The following KLF12 variants were observed in gnomAD, a reference collection of about 807,000 sequenced individuals.
KLF12 encodes the protein KLF transcription factor 12, also known as Krueppel-like factor 12.
Under a neutral mutation model 37.8 loss-of-function variants are expected in KLF12, and 9 were observed. The ratio of observed to expected loss-of-function variants is 0.24; its 90% CI spans 0.14 to 0.42. KLF12 has a LOEUF of 0.42. Among genes scored for constraint, KLF12 ranks in the 10% least tolerant of loss-of-function variants. KLF12 has a pLI of 1.00. For missense variants in KLF12, 411 were observed against 516.0 expected (o/e 0.80, Z 1.97); for synonymous variants, 208 against 202.1 (o/e 1.03, Z -0.25).
chr13:74,304,746 T>A, the KLF12 span, among the ~76,000 whole-genome samples: 13 of 151,918 alleles, frequency 8.6e-5, no homozygotes, highest in East Asian at 2.1e-3. Flanking sequence ...GAAAGTGAAG[T>A]GTAATTGGTA....
the KLF12 span, among the ~76,000 whole-genome samples, chr13:74,241,815 CAT>C: frequency 3.9e-5 from 6 of 152,186 alleles, no homozygotes; most frequent in Non-Finnish European, 4.4e-5. Flanking sequence ...GCGCACGGTG[CAT>C]GCACCCACTG....
At chr13:73,833,294 A>G (rs1884262455) in intron 4 of KLF12, among the ~76,000 whole-genome samples, 1 of 152,198 alleles carries the variant, frequency 6.6e-6, no homozygotes, top group African/African-American at 2.4e-5. Context: ...TGGAAGCCCA[A>G]AGAATATTTC....
intron 3 of KLF12, among the ~76,000 whole-genome samples, chr13:73,871,472 T>C (rs923205590): frequency 2.0e-5 from 3 of 152,188 alleles, no homozygotes; most frequent in African/African-American, 7.2e-5. Flanking sequence ...GAAAAAGGAA[T>C]GTAAACTGAG....
At chr13:74,177,221 C>T in the KLF12 span, among the ~76,000 whole-genome samples, 34 of 152,158 alleles carry the variant, frequency 2.2e-4, no homozygotes, top group South Asian at 1.0e-3. Flanking sequence ...ACATAGAGCC[C>T]AGAGCATTGA....
the KLF12 span, among the ~76,000 whole-genome samples, chr13:74,235,919 TA>T: frequency 7.0e-6 from 1 of 142,900 alleles, no homozygotes; most frequent in East Asian, 2.3e-4. Flanking sequence ...TTAATTTTTT[TA>T]TTTTTTTAGT....
chr13:73,733,122 G>C (rs1182836412), intron 6 of KLF12, among the ~76,000 whole-genome samples: 1 of 152,000 alleles, frequency 6.6e-6, no homozygotes, highest in Non-Finnish European at 1.5e-5. Flanking sequence ...CTTCCCCCCA[G>C]TCTTTTATTT....
intron 4 of KLF12, among the ~76,000 whole-genome samples, chr13:73,823,106 T>C (rs1883623729): frequency 6.6e-6 from 1 of 152,218 alleles, no homozygotes; most frequent in South Asian, 2.1e-4. Flanking sequence ...GCCATTTTAT[T>C]CACTTTTCTT....
chr13:73,829,582 C>G (rs1884041920), intron 4 of KLF12, among the ~76,000 whole-genome samples: 1 of 152,286 alleles, frequency 6.6e-6, no homozygotes, highest in African/African-American at 2.4e-5. Flanking sequence ...TAAATAAGGT[C>G]TAGTACCAAG....
chr13:74,187,012 G>C, the KLF12 span, among the ~76,000 whole-genome samples: 1 of 151,984 alleles, frequency 6.6e-6, no homozygotes, highest in Non-Finnish European at 1.5e-5. Context: ...TAAAACACAG[G>C]GTCTGCACAT....
At chr13:73,892,688 A>G (rs932517692) in intron 3 of KLF12, among the ~76,000 whole-genome samples, 2 of 152,198 alleles carry the variant, frequency 1.3e-5, no homozygotes, top group Non-Finnish European at 2.9e-5. Flanking sequence ...GCATAGAGTT[A>G]TGGATTGCTA....
At chr13:73,887,409 G>A (rs1404473255) in intron 3 of KLF12, among the ~76,000 whole-genome samples, 2 of 152,138 alleles carry the variant, frequency 1.3e-5, no homozygotes, top group African/African-American at 4.8e-5. Context: ...GGTAACGAGT[G>A]TGTTCTTGCC....
In KLF12 at chr13:73,846,119, G is replaced by A. The variant is rs745984287; in HGVS notation, c.378C>T (p.Ser126=). 24 of 1,614,004 alleles carry A rather than the reference G, an allele frequency of 1.5e-5. No homozygotes were observed. The highest frequency in any genetic ancestry group is 1.6e-4 in the Middle Eastern group (1 of 6,084). ...AAGATACTGATGTGATAACAGTTGG[G>A]GATGAGGCTAGACGACTAGAAGACG... Residue 126 remains serine (S), a synonymous_variant, in exon 4 of 8, where the codon TCC becomes TCT. Coordinates refer to ENST00000377669, the MANE Select transcript of KLF12 (RefSeq NM_007249.5).
chr13:73,726,320 A>G (rs1876669379), intron 6 of KLF12, among the ~76,000 whole-genome samples: 1 of 152,212 alleles, frequency 6.6e-6, no homozygotes, highest in Non-Finnish European at 1.5e-5. Context: ...AGTCATCCTT[A>G]TAAAGTGTAC....
the KLF12 span, among the ~76,000 whole-genome samples, chr13:74,200,576 G>A: frequency 1.3e-5 from 2 of 151,968 alleles, no homozygotes; most frequent in Non-Finnish European, 2.9e-5. Context: ...CAAAAGCCCT[G>A]GTGAGAGATG....
chr13:73,853,581 A>G (rs1470434609), intron 3 of KLF12, among the ~76,000 whole-genome samples: 4 of 152,190 alleles, frequency 2.6e-5, no homozygotes, highest in Admixed American at 2.6e-4. Context: ...TACTAAAAAA[A>G]TACAAAAATT....
intron 3 of KLF12, among the ~76,000 whole-genome samples, chr13:73,930,147 A>G (rs1221187973): frequency 6.6e-6 from 1 of 152,224 alleles, no homozygotes; most frequent in Non-Finnish European, 1.5e-5. Context: ...CAATAGCAAG[A>G]CATTGTTTAG....
chr13:73,875,199 T>C (rs1437410785), intron 3 of KLF12, among the ~76,000 whole-genome samples: 2 of 152,022 alleles, frequency 1.3e-5, no homozygotes, highest in Non-Finnish European at 2.9e-5. Context: ...ACAATTAATA[T>C]AAGTTAGGAA....
chr13:74,294,170 G>A, the KLF12 span, among the ~76,000 whole-genome samples: 2 of 152,142 alleles, frequency 1.3e-5, no homozygotes, highest in African/African-American at 4.8e-5. Context: ...TGAGTAAGTA[G>A]CAGGAGTTTA....
chr13:73,891,332 C>T (rs1251889380), intron 3 of KLF12, among the ~76,000 whole-genome samples: 1 of 152,028 alleles, frequency 6.6e-6, no homozygotes, highest in East Asian at 1.9e-4. Context: ...CATACCATTG[C>T]TATGCAGATA....
Sources: allele counts gnomAD v4.1 joint callset (sites outside exome capture counted in the v4.1 genomes callset), GRCh38; gene constraint gnomAD v4.1.1; transcripts MANE v1.5; gene names NCBI Gene and HGNC (gene_info 2026-07-23, HGNC 2026-07-21).